MEI1: variants seen among roughly 807,000 people sequenced by gnomAD.
MEI1 encodes meiosis inhibitor protein 1.
Under a neutral mutation model 146.2 loss-of-function variants are expected in MEI1, and 103 were observed. The ratio of observed to expected loss-of-function variants is 0.70; its 90% confidence interval spans 0.60 to 0.83. The LOEUF is 0.83. Among genes scored for constraint, MEI1 ranks in the 40% least tolerant of loss-of-function variants. The probability of loss-of-function intolerance (pLI) is 0.00; values close to 1 mark genes in which losing one functional copy is unlikely to be tolerated. For synonymous variants in MEI1, 652 were observed against 628.2 expected, an observed-to-expected ratio of 1.04 and a Z score of -0.57; for missense variants, 1,529 against 1,533.0, an observed-to-expected ratio of 1.00 and a Z score of 0.04.
chr22:41,700,755 T>A (rs915789633), intron 1 of MEI1, among the ~76,000 whole-genome samples: 2 of 19,366 alleles, frequency 1.0e-4, no homozygotes, highest in Admixed American at 2.0e-3. Context: ...CTCAATTTTT[T>A]TTTTTTTTTT....
chr22:41,763,477 CAT>C (rs2074640752), intron 19 of MEI1, among the ~76,000 whole-genome samples, 156 bp downstream of exon 19: 2 of 151,828 alleles, frequency 1.3e-5, no homozygotes, highest in East Asian at 3.9e-4. Context: ...GATGCAGACT[CAT>C]ACAGAGCCTG....
intron 2 of MEI1, among the ~76,000 whole-genome samples, chr22:41,705,234 C>T (rs2069000957): frequency 6.7e-6 from 1 of 148,670 alleles, no homozygotes; most frequent in Admixed American, 6.8e-5. Flanking sequence ...TGCAGTGGTG[C>T]AGTCTCAGCT....
Position 41,784,685 on chromosome 22 carries a change from G to A in MEI1, c.3247G>A (p.Ala1083Thr), listed in dbSNP as rs767487941. ...SALVALVPSGAQPLPATKDTV... is the reference protein window; with the variant it reads ...SALVALVPSGTQPLPATKDTV... ...CCTGGTAGCCCTGGTGCCCTCAGGGGCCCAGCCACTGCCAGCCACCAAGGA... is the reference window on the plus strand; with the variant it reads ...CCTGGTAGCCCTGGTGCCCTCAGGGACCCAGCCACTGCCAGCCACCAAGGA... Residue 1083 changes from alanine to threonine, a missense_variant, in exon 26 of 31, where the codon GCC becomes ACC. Transcript: ENST00000401548. The A allele has an allele frequency of 2.2e-5, 35 of 1,612,600 alleles. No individual in the cohort carries two copies. The highest frequency in any genetic ancestry group is 2.8e-5 in the Non-Finnish European group (33 of 1,179,674).
At chr22:41,763,113 T>C (rs1232836290) in intron 18 of MEI1, 61 bp from the exon 19 acceptor site, 1 of 1,586,226 alleles carries the variant, frequency 6.3e-7, no homozygotes. Flanking sequence ...CCAGGCAGAA[T>C]AGAAGAGCCC....
intron 26 of MEI1, among the ~76,000 whole-genome samples, chr22:41,791,899 T>C (rs2148235808): frequency 6.6e-6 from 1 of 152,312 alleles, no homozygotes. Flanking sequence ...AGAGCACATA[T>C]TATGATTCTG....
At position 41,738,354 on chromosome 22, in the gene MEI1, C is replaced by T. The variant is rs189085776; in HGVS notation, c.1332-4726C>T. Among the ~76,000 whole-genome samples the T allele has an allele frequency of 3.3e-3, 499 of 151,862 alleles. 1 individual carries two copies. Among genetic ancestry groups the T allele is most frequent in the Non-Finnish European group, 5.5e-3 (373 of 67,908 alleles). On this transcript the variant is annotated intron_variant, in intron 11 of 30. Coordinates refer to ENST00000401548, the MANE Select transcript of MEI1 (RefSeq NM_152513.4). The stretch of plus-strand genomic sequence containing the variant: ...CTGTAATCCCAGCACTTTGGGAGGC[C>T]GAGGCGGGCGGATCACGAGGTCAGG...
chr22:41,702,232 C>T (rs1037727045), intron 1 of MEI1, among the ~76,000 whole-genome samples: 1 of 152,142 alleles, frequency 6.6e-6, no homozygotes, highest in Admixed American at 6.5e-5. Flanking sequence ...CCTCTGCCTC[C>T]CAGGTTCAAG....
chr22:41,705,373 T>C, intron 2 of MEI1, 131 bp from the exon 3 acceptor site: 1 of 786,280 alleles, frequency 1.3e-6, no homozygotes, highest in Non-Finnish European at 2.3e-6. Flanking sequence ...GGTTTCGCCA[T>C]ATTGGTCAGG....
chr22:41,798,722 G>A (rs1340563850), intron 30 of MEI1, among the ~76,000 whole-genome samples: 1 of 151,602 alleles, frequency 6.6e-6, no homozygotes, highest in Non-Finnish European at 1.5e-5. Context: ...ACAAAAATTA[G>A]CCGGGCATGG....
chr22:41,732,575 GCCT>G lies in MEI1; in HGVS notation c.1304_1306del (p.Ala435_Leu436delinsVal). The G allele has an allele frequency of 6.2e-7, 1 of 1,613,564 alleles. No homozygotes were observed. Among genetic ancestry groups the G allele is most frequent in the Non-Finnish European group, 8.5e-7 (1 of 1,179,830 alleles). On this transcript the variant is annotated inframe_deletion, in exon 11 of 31. Transcript: ENST00000401548. ...CCCTGTGCTGGAGGTGGCTGCTGAG[GCCT>G]TGAAGGCCACTTCTGCTTTTCTGAG...
Position 41,778,763 on chromosome 22 carries a change from T to C in MEI1, c.2766T>C (p.Asn922=), listed in dbSNP as rs1457030336. 1.9e-6 allele frequency: 3 copies of C among 1,609,602 alleles called. No homozygotes were observed. Among genetic ancestry groups the C allele is most frequent in the African/African-American group, 1.3e-5 (1 of 74,846 alleles). The change falls in exon 22 of 31, where the codon AAT becomes AAC. Residue 922 remains asparagine (N), a synonymous_variant. Coordinates refer to ENST00000401548, the MANE Select transcript of MEI1 (RefSeq NM_152513.4). ...TCCTCTCCCTGATGCAGCTCAGGAA[T>C]GTGTCAGAGCAAGAACTGGACAGCG... ...LSLLSLMQLR[N]VSEQELDSVA...
At chr22:41,763,397 T>C in intron 19 of MEI1, 76 bp downstream of exon 19, 1 of 1,521,892 alleles carries the variant, frequency 6.6e-7, no homozygotes, top group African/African-American at 1.4e-5. Flanking sequence ...ACCATGATGA[T>C]GATAGTGTAT....
At chr22:41,764,545 A>G (rs896464803) in intron 19 of MEI1, among the ~76,000 whole-genome samples, 3 of 152,216 alleles carry the variant, frequency 2.0e-5, no homozygotes, top group Non-Finnish European at 4.4e-5. Flanking sequence ...TTAATAGTCA[A>G]TGGAGGAAGA....
intron 11 of MEI1, among the ~76,000 whole-genome samples, chr22:41,737,950 G>A (rs1039427071): frequency 6.6e-6 from 1 of 152,154 alleles, no homozygotes; most frequent in Non-Finnish European, 1.5e-5. Context: ...CATATTTATA[G>A]AGTAACTTTT....
chr22:41,759,232 AC>A (rs1043211335), intron 18 of MEI1: 4 of 149,082 alleles, frequency 2.7e-5, no homozygotes, highest in Non-Finnish European at 6.0e-5. Context: ...AGTGGCTCAC[AC>A]CTGTAATCCC....
chr22:41,766,499 A>T (rs532848930), intron 19 of MEI1, among the ~76,000 whole-genome samples: 2 of 151,862 alleles, frequency 1.3e-5, no homozygotes, highest in Non-Finnish European at 2.9e-5. Context: ...TTTAGTTGGA[A>T]TTCTACTGTA....
chr22:41,730,400 A>C (rs2071751663), intron 8 of MEI1, 121 bp from the exon 9 acceptor site: 1 of 661,828 alleles, frequency 1.5e-6, no homozygotes, highest in Non-Finnish European at 2.8e-6. Flanking sequence ...CATGGAGAGG[A>C]TATGTGAACA....
chr22:41,710,485 C>T (rs559848752), intron 3 of MEI1, among the ~76,000 whole-genome samples: 6 of 152,252 alleles, frequency 3.9e-5, no homozygotes, highest in South Asian at 2.1e-4. Context: ...TGTTGATCAC[C>T]GCATCAAAAT....
chr22:41,733,275 AC>A (rs2072029468), intron 11 of MEI1, among the ~76,000 whole-genome samples: 1 of 151,374 alleles, frequency 6.6e-6, no homozygotes, highest in Non-Finnish European at 1.5e-5. Context: ...ACACAACAGA[AC>A]CTGTCTCTAC....
Sources: allele counts gnomAD v4.1 joint callset (sites outside exome capture counted in the v4.1 genomes callset), GRCh38; gene constraint gnomAD v4.1.1; transcripts MANE v1.5; gene names NCBI Gene and HGNC (gene_info 2026-07-23, HGNC 2026-07-21).